NRXN2: variants seen among roughly 807,000 people sequenced by gnomAD.
NRXN2 encodes neurexin-2-beta.
A neutral mutation model predicts 128.8 loss-of-function variants in NRXN2; 29 were observed. The ratio of observed to expected loss-of-function variants is 0.23; its 90% CI spans 0.17 to 0.31. The LOEUF (loss-of-function observed/expected upper bound fraction) is 0.31, where lower values mean the gene tolerates loss of function less well. Among genes scored for constraint, NRXN2 ranks in the 10% least tolerant of loss-of-function variants. NRXN2 has a pLI of 1.00. For missense variants in NRXN2, 1,881 were observed against 2,452.6 expected (o/e 0.77, Z 4.92); for synonymous variants, 1,098 against 1,075.2 (o/e 1.02, Z -0.41).
chr11:64,651,156 GGGATT>G lies in NRXN2; in HGVS notation c.2918+94_2918+98del. 6.6e-7 allele frequency: 1 copy of G among 1,514,624 alleles called. No homozygotes were observed. Among genetic ancestry groups the G allele is most frequent in the Admixed American group, 1.7e-5 (1 of 59,610 alleles). The allele number at this position is 1,514,624 out of a possible 1,614,324, so 93.8% of individuals were successfully genotyped here. The stretch of plus-strand genomic sequence containing the variant: ...CCTGAATCTTGACTTGTGATCTGGG[GGGATT>G]GGACACCTCGGCCAGTAGCCAGGAG... On this transcript the variant is annotated intron_variant, in intron 14 of 22. Transcript: ENST00000265459. This position sits in a 1 kb window ranked among gnomAD's most constrained non-coding sequence, Gnocchi z 5.9.
At chr11:64,720,852 G>C (rs2057416028) in intron 1 of NRXN2, among the ~76,000 whole-genome samples, 1 of 152,150 alleles carries the variant, frequency 6.6e-6, no homozygotes, top group Admixed American at 6.5e-5. Flanking sequence ...TCTGGAAGGA[G>C]AGGGTGTGTT....
intron 12 of NRXN2, 93 bp downstream of exon 12, chr11:64,653,603 G>C: frequency 1.6e-6 from 2 of 1,259,282 alleles, no homozygotes; most frequent in Non-Finnish European, 2.3e-6. Context: ...CAGCAATCAC[G>C]GCTTCTCTTC....
Position 64,667,510 on chromosome 11 carries a change from C to A in NRXN2, c.1538G>T (p.Arg513Leu), listed in dbSNP as rs775218778. 3.7e-6 allele frequency: 6 copies of A among 1,613,944 alleles called. No homozygotes were observed. Among genetic ancestry groups the A allele is most frequent in the African/African-American group, 1.3e-5 (1 of 74,938 alleles). ...FVALPRWSAK[R>L]TGSISLDFRT... ...GAAGTCTAGGGAGATGGAGCCAGTGCGCTTAGCGCTCCAGCGGGGCAGCGC... is the reference window on the plus strand; with the variant it reads ...GAAGTCTAGGGAGATGGAGCCAGTGAGCTTAGCGCTCCAGCGGGGCAGCGC... The change falls in exon 9 of 23, where the codon CGC becomes CTC. Residue 513 changes from arginine to leucine, a missense_variant. Physicochemically the swap from Arg to Leu is moderately radical, Grantham distance 102. Around this residue, in one of 7 missense-constraint regions of NRXN2, gnomAD observed 997 missense variants for 1,240.8 expected, o/e 0.80. Coordinates refer to ENST00000265459, the MANE Select transcript of NRXN2 (RefSeq NM_015080.4). The surrounding 1 kb of genome is among the most constrained non-coding windows in gnomAD (Gnocchi z 5.6).
In NRXN2 at chr11:64,645,346, G is replaced by A. The variant is rs185626849; in HGVS notation, c.3403+2873C>T. Among the ~76,000 whole-genome samples the A allele has an allele frequency of 1.7e-4, 26 of 152,134 alleles. No individual in the cohort carries two copies. The East Asian group carries it at 5.0e-3, about 29-fold the overall frequency. ...GGGGGGCCAAGGCTGAGAAGGGAGGGGGAGATATAGAGGGTAAAAAAGAAG... is the reference window on the plus strand; with the variant it reads ...GGGGGGCCAAGGCTGAGAAGGGAGGAGGAGATATAGAGGGTAAAAAAGAAG... On this transcript the variant is annotated intron_variant, in intron 17 of 22. Coordinates refer to ENST00000265459, the MANE Select transcript of NRXN2 (RefSeq NM_015080.4).
chr11:64,667,639 T>C lies in NRXN2; in HGVS notation c.1409A>G (p.Lys470Arg). The change falls in exon 9 of 23, where the codon AAG (lysine) becomes AGG (arginine). Residue 470 changes from lysine to arginine, a missense_variant. Lys to Arg is a conservative substitution (Grantham distance 26). This residue lies in a region of NRXN2 where 997 missense variants were observed against 1,240.8 expected (regional missense o/e 0.80). Coordinates refer to ENST00000265459, the MANE Select transcript of NRXN2 (RefSeq NM_015080.4). This position sits in a 1 kb window ranked among gnomAD's most constrained non-coding sequence, Gnocchi z 5.6. ...CAGCTTCATCTTGGGGTCCCCTTCC[T>C]TTGCCAGGCGGGATAGTTCCAATTT... ...DFKLELSRLAKEGDPKMKLQG... is the reference protein window; with the variant it reads ...DFKLELSRLAREGDPKMKLQG... The C allele has an allele frequency of 6.2e-7, 1 of 1,614,200 alleles. No homozygotes were observed. Among genetic ancestry groups the C allele is most frequent in the Non-Finnish European group, 8.5e-7 (1 of 1,180,030 alleles).
chr11:64,671,874 T>C (rs1054768653), intron 7 of NRXN2, among the ~76,000 whole-genome samples: 1 of 151,456 alleles, frequency 6.6e-6, no homozygotes, highest in Middle Eastern at 3.4e-3. Context: ...CACCACCCAT[T>C]CGCCACCGAT....
At chr11:64,610,219 G>T (rs2040408716) in intron 22 of NRXN2, among the ~76,000 whole-genome samples, 1 of 152,000 alleles carries the variant, frequency 6.6e-6, no homozygotes. Context: ...CTACACCCTA[G>T]ATTTTGAAAC....
intron 20 of NRXN2, among the ~76,000 whole-genome samples, chr11:64,624,338 G>A (rs1201001312): frequency 6.6e-6 from 1 of 152,190 alleles, no homozygotes; most frequent in East Asian, 1.9e-4. Context: ...GCCAATGATG[G>A]CCACTGGGGT....
At position 64,651,477 on chromosome 11, in the gene NRXN2, C is replaced by T. The variant is rs2047452008; in HGVS notation, c.2696G>A (p.Gly899Asp). 1 of 1,614,060 alleles carries T rather than the reference C, an allele frequency of 6.2e-7. No individual in the cohort carries two copies. The highest frequency in any genetic ancestry group is 1.3e-5 in the African/African-American group (1 of 74,908). ...ATTGAGCTCACAGTAGGTGATGTCA[C>T]CATCCTTGCACTGGTCCATGTAGGG... ...GQPYMDQCKD[G>D]DITYCELNAR... Residue 899 changes from glycine (G) to aspartate (D), a missense_variant, in exon 14 of 23, where the codon GGT becomes GAT. Transcript: ENST00000265459. The surrounding 1 kb of genome is among the most constrained non-coding windows in gnomAD (Gnocchi z 5.9).
chr11:64,671,875 C>T (rs893088791), intron 7 of NRXN2, among the ~76,000 whole-genome samples: 1 of 152,056 alleles, frequency 6.6e-6, no homozygotes, highest in Admixed American at 6.5e-5. Flanking sequence ...ACCACCCATT[C>T]GCCACCGATC....
chr11:64,679,568 C>T (rs527511060), intron 6 of NRXN2, among the ~76,000 whole-genome samples: 4 of 151,924 alleles, frequency 2.6e-5, no homozygotes, highest in Non-Finnish European at 4.4e-5. Flanking sequence ...ACCCAGGAGG[C>T]GGAGCTTGCA....
At position 64,676,990 on chromosome 11, in the gene NRXN2, TAC is replaced by T. The variant is rs762134906; in HGVS notation, c.1197+1_1197+2del. ...ACGGTAAGACAATTAGAGTGATATC[TAC>T]CAGATAATGCAGTTTGTTTACCATA... On this transcript the variant is annotated splice_donor_variant, in intron 7 of 22. Coordinates refer to ENST00000265459, the MANE Select transcript of NRXN2 (RefSeq NM_015080.4). LOFTEE classifies it high-confidence loss of function. 1 of 1,604,754 alleles carries T rather than the reference TAC, an allele frequency of 6.2e-7. No individual in the cohort carries two copies. The highest frequency in any genetic ancestry group is 1.1e-5 in the South Asian group (1 of 90,818).
chr11:64,702,052 G>A (rs71579889), intron 2 of NRXN2, among the ~76,000 whole-genome samples: 33,487 of 143,574 alleles, frequency 0.23, 3,941 homozygotes, highest in East Asian at 0.45. Context: ...GGAGGTGAGG[G>A]GTGCCTCTGC....
In NRXN2 at chr11:64,648,107, A is replaced by C. The variant is rs746057018; in HGVS notation, c.3403+112T>G. The C allele has an allele frequency of 5.9e-5, 86 of 1,463,504 alleles. No individual in the cohort carries two copies. The highest frequency in any genetic ancestry group is 5.1e-4 in the African/African-American group (37 of 72,084). The allele number at this position is 1,463,504 out of a possible 1,614,324, so 90.7% of individuals were successfully genotyped here. A position where few individuals can be genotyped will look rare whatever the true frequency, so the allele number is the denominator to read the frequency against. On this transcript the variant is annotated intron_variant, in intron 17 of 22. Transcript: ENST00000265459. This position sits in a 1 kb window ranked among gnomAD's most constrained non-coding sequence, Gnocchi z 4.1. ...CTGCAGACAAGGGATGAGAAGGAAG[A>C]AGCAGCACAGCTCCTGAATGCTCAG...
At chr11:64,624,297 C>T (rs1478296861) in intron 20 of NRXN2, among the ~76,000 whole-genome samples, 1 of 152,250 alleles carries the variant, frequency 6.6e-6, no homozygotes, top group Non-Finnish European at 1.5e-5. Flanking sequence ...ACCCAGGCCT[C>T]TGGGACATCC....
rs2054759629 is a variant in NRXN2, at chr11:64,697,717, A to G, written c.748+58T>C. 3.1e-6 allele frequency: 5 copies of G among 1,604,942 alleles called. No homozygotes were observed. In the South Asian group the frequency reaches 5.5e-5, roughly 18 times the overall value. On this transcript the variant is annotated intron_variant, in intron 3 of 22. Transcript: ENST00000265459. ...CTTGGGTAGCCAACGACAGTCCCTC[A>G]TGTAGGATCCCCATGGCAACAGATC... is the stretch of plus-strand genomic sequence containing the variant.
intron 2 of NRXN2, among the ~76,000 whole-genome samples, chr11:64,701,267 A>G (rs934344901): frequency 1.3e-5 from 2 of 152,158 alleles, no homozygotes; most frequent in African/African-American, 4.8e-5. Flanking sequence ...TTCTCAGAAA[A>G]TCCCATCCGA....
At position 64,630,501 on chromosome 11, in the gene NRXN2, C is replaced by G; in HGVS notation, c.3658G>C (p.Val1220Leu). 1 of 1,614,092 alleles carries G rather than the reference C, an allele frequency of 6.2e-7. No homozygotes were observed. Among genetic ancestry groups the G allele is most frequent in the Non-Finnish European group, 8.5e-7 (1 of 1,180,028 alleles). The change falls in exon 19 of 23, where the codon GTA becomes CTA. Residue 1220 changes from valine to leucine, a missense_variant. Physicochemically the swap from Val to Leu is conservative, Grantham distance 32. This residue lies in a region of NRXN2 where 390 missense variants were observed against 599.6 expected (regional missense o/e 0.65). Coordinates refer to ENST00000265459, the MANE Select transcript of NRXN2 (RefSeq NM_015080.4). This position sits in a 1 kb window ranked among gnomAD's most constrained non-coding sequence, Gnocchi z 4.6. ...ACCACGTGGTATTTGCCGTCGCTTA[C>G]TATGGCGTTGGGCTCGTCGATGGTA... is the stretch of plus-strand genomic sequence containing the variant. ...DITIDEPNAI[V>L]SDGKYHVVRF...
chr11:64,611,427 G>T (rs2135271274), intron 22 of NRXN2, among the ~76,000 whole-genome samples: 1 of 152,310 alleles, frequency 6.6e-6, no homozygotes, highest in Non-Finnish European at 1.5e-5. Context: ...TAAGCTGGCT[G>T]GTCATAGCTG....
Sources: allele counts gnomAD v4.1 joint callset (sites outside exome capture counted in the v4.1 genomes callset), GRCh38; gene constraint gnomAD v4.1.1; regional missense constraint gnomAD v4.1.1; non-coding constraint Gnocchi (gnomAD v3.1); transcripts MANE v1.5; gene names NCBI Gene and HGNC (gene_info 2026-07-23, HGNC 2026-07-21).